The following AGBL1 variants were observed in gnomAD, a reference collection of about 807,000 sequenced individuals.
AGBL1 encodes AGBL carboxypeptidase 1.
In AGBL1, 130 loss-of-function variants were observed where a neutral mutation model predicts 118.9. The observed-to-expected ratio is 1.09, with a 90% CI of 0.95 to 1.26. The LOEUF (loss-of-function observed/expected upper bound fraction) is 1.26. AGBL1 is among the 50% of genes most tolerant of loss of function. AGBL1 has a pLI of 0.00. For missense variants in AGBL1, 1,584 were observed against 1,298.1 expected (o/e 1.22, Z -3.38); for synonymous variants, 555 against 478.9 (o/e 1.16, Z -2.08).
At chr15:86,712,171 A>T (rs1366286548) in intron 22 of AGBL1, among the ~76,000 whole-genome samples, 1 of 152,170 alleles carries the variant, frequency 6.6e-6, no homozygotes, top group East Asian at 1.9e-4. Context: ...TGACCATGAG[A>T]ATATTGTTAA....
At chr15:86,567,893 G>C (rs1279834793) in intron 21 of AGBL1, among the ~76,000 whole-genome samples, 1 of 152,132 alleles carries the variant, frequency 6.6e-6, no homozygotes, top group Non-Finnish European at 1.5e-5. Flanking sequence ...CAGCTGCCCA[G>C]AGACCAGTTA....
intron 1 of AGBL1, among the ~76,000 whole-genome samples, chr15:86,129,606 T>C (rs147274083): frequency 0.015 from 2,305 of 152,352 alleles, 35 homozygotes; most frequent in South Asian, 0.039. Flanking sequence ...CATCTGTAGA[T>C]ATTTTTGGTT....
intron 22 of AGBL1, among the ~76,000 whole-genome samples, chr15:86,701,530 T>C (rs1181425663): frequency 3.3e-5 from 5 of 152,130 alleles, no homozygotes; most frequent in Non-Finnish European, 2.9e-5. Flanking sequence ...AAGAGGCTTA[T>C]ACTCAAAGGT....
chr15:86,296,883 C>T (rs1719139094), intron 17 of AGBL1: 1 of 152,152 alleles, frequency 6.6e-6, no homozygotes, highest in South Asian at 2.1e-4. Flanking sequence ...TAAGTCTGAG[C>T]TTCTTTTTCT....
chr15:86,846,869 C>T (rs1468403292), intron 22 of AGBL1, among the ~76,000 whole-genome samples: 1 of 152,168 alleles, frequency 6.6e-6, no homozygotes, highest in Non-Finnish European at 1.5e-5. Context: ...TTTTCATATT[C>T]TTTTTCTGGC....
chr15:86,391,790 T>G (rs943640145), intron 17 of AGBL1, among the ~76,000 whole-genome samples: 1 of 151,974 alleles, frequency 6.6e-6, no homozygotes, highest in Admixed American at 6.6e-5. Flanking sequence ...AAACGGCCTG[T>G]GCTTTAGTCA....
At chr15:86,450,973 A>G (rs11853099) in intron 18 of AGBL1, among the ~76,000 whole-genome samples, 1,582 of 152,228 alleles carry the variant, frequency 0.01, 24 homozygotes, top group African/African-American at 0.036. Flanking sequence ...GGGGTTTGTC[A>G]TCAGCTAATT....
intron 5 of AGBL1, among the ~76,000 whole-genome samples, chr15:86,202,706 A>T (rs910626306): frequency 4.6e-5 from 7 of 152,198 alleles, no homozygotes; most frequent in Admixed American, 2.0e-4. Context: ...TATTTCTGAG[A>T]ATCCAGAAAG....
chr15:86,362,865 G>A (rs1488093675), intron 17 of AGBL1, among the ~76,000 whole-genome samples: 1 of 152,236 alleles, frequency 6.6e-6, no homozygotes, highest in Non-Finnish European at 1.5e-5. Context: ...GGGTGGGCAG[G>A]ACTGCTTCTG....
chr15:86,489,812 G>T (rs1034917749), intron 18 of AGBL1, among the ~76,000 whole-genome samples: 4 of 152,098 alleles, frequency 2.6e-5, no homozygotes, highest in Non-Finnish European at 4.4e-5. Flanking sequence ...CATTCGTTCA[G>T]CAGGGGGCAC....
chr15:86,090,435 A>T (rs1386236606), intron 1 of AGBL1, among the ~76,000 whole-genome samples: 1 of 152,214 alleles, frequency 6.6e-6, no homozygotes, highest in Non-Finnish European at 1.5e-5. Context: ...GTTTATATAC[A>T]TATAGCAATG....
Position 86,833,360 on chromosome 15 carries a change from C to T in AGBL1, c.3159-73727C>T, listed in dbSNP as rs562978086. 2.0e-5 allele frequency among the ~76,000 whole-genome samples: 3 copies of T among 152,198 alleles called. 1 individual carries two copies. The South Asian group carries it at 6.2e-4, about 32-fold the overall frequency. On this transcript the variant is annotated intron_variant, in intron 22 of 22. Coordinates refer to ENST00000614907, the MANE Select transcript of AGBL1 (RefSeq NM_001386094.1). ...GAATTCCCACGTGTTGTGGGAGGGA[C>T]CTAGCGGGAGGTAATTGAATCATGG... is the stretch of plus-strand genomic sequence containing the variant.
At chr15:86,180,133 A>G (rs1178953161) in intron 5 of AGBL1, among the ~76,000 whole-genome samples, 1 of 152,114 alleles carries the variant, frequency 6.6e-6, no homozygotes, top group Non-Finnish European at 1.5e-5. Flanking sequence ...ATTGATCTAT[A>G]GATTCGTTGC....
chr15:86,784,388 T>C (rs1186155976), intron 22 of AGBL1, among the ~76,000 whole-genome samples: 3 of 152,194 alleles, frequency 2.0e-5, no homozygotes, highest in Admixed American at 1.3e-4. Context: ...ATAGCCAACA[T>C]TTATTTCAGC....
intron 18 of AGBL1, among the ~76,000 whole-genome samples, chr15:86,438,239 A>G (rs4887458): frequency 4.0e-5 from 6 of 151,868 alleles, no homozygotes; most frequent in Non-Finnish European, 8.8e-5. Flanking sequence ...GGTGAATGTT[A>G]TAGGTGGATT....
chr15:86,723,401 A>G (rs2086764650), intron 22 of AGBL1, among the ~76,000 whole-genome samples: 1 of 152,226 alleles, frequency 6.6e-6, no homozygotes, highest in Non-Finnish European at 1.5e-5. Context: ...AAACTGTCGC[A>G]AGGACAAAAA....
chr15:86,535,546 C>T (rs2083413868), intron 19 of AGBL1, among the ~76,000 whole-genome samples: 1 of 152,182 alleles, frequency 6.6e-6, no homozygotes, highest in South Asian at 2.1e-4. Flanking sequence ...TATGTGAGTG[C>T]ATTTTGGTAA....
intron 24 of AGBL1, among the ~76,000 whole-genome samples, chr15:87,019,990 C>A (rs1297475995): frequency 2.0e-5 from 3 of 152,064 alleles, no homozygotes; most frequent in Non-Finnish European, 4.4e-5. Context: ...CTCCTCTATG[C>A]ACATAAACTA....
intron 18 of AGBL1, among the ~76,000 whole-genome samples, chr15:86,478,005 A>AG (rs1300312769): frequency 2.6e-5 from 4 of 152,244 alleles, no homozygotes; most frequent in African/African-American, 7.2e-5. Context: ...CAATAGATGC[A>AG]AAAAGGCCTT....
Sources: gnomAD v4.1 joint callset for allele counts (sites outside exome capture counted in the v4.1 genomes callset) on GRCh38, gnomAD v4.1.1 for gene constraint, MANE v1.5 for transcripts, NCBI Gene and HGNC (gene_info 2026-07-23, HGNC 2026-07-21) for gene names.